PDE4D: variants seen among roughly 807,000 people sequenced by gnomAD.
PDE4D encodes 3',5'-cyclic-AMP phosphodiesterase 4D.
PDE4D carries 24 observed loss-of-function variants against 87.4 expected under a neutral mutation model. The observed-to-expected ratio is 0.27, with a 90% confidence interval of 0.20 to 0.39. The LOEUF (loss-of-function observed/expected upper bound fraction) is 0.39. PDE4D is among the 10% of genes least tolerant of loss of function. The pLI is 1.00. For missense variants in PDE4D, 714 were observed against 1,041.0 expected, an observed-to-expected ratio of 0.69 and a Z score of 4.32; for synonymous variants, 384 against 383.2, an observed-to-expected ratio of 1.00 and a Z score of -0.02.
chr5:59,651,062 T>TG (rs1268000458), intron 1 of PDE4D, among the ~76,000 whole-genome samples: 3 of 151,960 alleles, frequency 2.0e-5, no homozygotes, highest in African/African-American at 7.2e-5. Flanking sequence ...GAGACCATCC[T>TG]GGCCAACATA....
chr5:59,965,770 T>C (rs1759974052), intron 3 of PDE4D, among the ~76,000 whole-genome samples: 1 of 152,080 alleles, frequency 6.6e-6, no homozygotes, highest in Non-Finnish European at 1.5e-5. Flanking sequence ...CTTGGCAAAG[T>C]TTTTCTGTAA....
chr5:59,978,919 T>G (rs1043095003), intron 3 of PDE4D, among the ~76,000 whole-genome samples: 1 of 152,212 alleles, frequency 6.6e-6, no homozygotes, highest in Non-Finnish European at 1.5e-5. Context: ...TTAGCATTTT[T>G]TTTTTTAGCA....
At chr5:59,251,344 C>T (rs1027731185) in intron 1 of PDE4D, among the ~76,000 whole-genome samples, 1 of 152,178 alleles carries the variant, frequency 6.6e-6, no homozygotes, top group East Asian at 1.9e-4. Flanking sequence ...GGAAAACAAA[C>T]AACCCCATTA....
chr5:60,014,367 C>T, intron 2 of PDE4D, among the ~76,000 whole-genome samples: 1 of 152,256 alleles, frequency 6.6e-6, no homozygotes, highest in South Asian at 2.1e-4. Flanking sequence ...CAAAGTCCAA[C>T]TCAGGACTTG....
chr5:59,214,415 A>C (rs971973992), intron 2 of PDE4D, among the ~76,000 whole-genome samples: 2 of 152,106 alleles, frequency 1.3e-5, no homozygotes, highest in Non-Finnish European at 2.9e-5. Context: ...CATGCCTCAC[A>C]TTTAGTAAAT....
At chr5:59,462,267 T>G (rs1012685109) in intron 1 of PDE4D, among the ~76,000 whole-genome samples, 3 of 152,090 alleles carry the variant, frequency 2.0e-5, no homozygotes, top group Non-Finnish European at 2.9e-5. Context: ...CATCCACCAA[T>G]TGTGTCACTT....
At chr5:59,771,540 A>AAGAAAGAAAGAAAGAAAGAAAGAAAG in intron 1 of PDE4D, among the ~76,000 whole-genome samples, 1 of 149,044 alleles carries the variant, frequency 6.7e-6, no homozygotes, top group Non-Finnish European at 1.5e-5. Flanking sequence ...GAAAGAAAGA[A>AAGAAAGAAAGAAAGAAAGAAAGAAAG]AGAAAGAAAG....
chr5:59,251,096 C>G (rs534400027), intron 1 of PDE4D, among the ~76,000 whole-genome samples: 9 of 152,026 alleles, frequency 5.9e-5, no homozygotes, highest in Non-Finnish European at 1.3e-4. Context: ...CCTAGGCAAT[C>G]CCATCCTGAA....
At chr5:60,192,289 T>C (rs1459229880) in intron 1 of PDE4D, among the ~76,000 whole-genome samples, 1 of 152,166 alleles carries the variant, frequency 6.6e-6, no homozygotes, top group Non-Finnish European at 1.5e-5. Flanking sequence ...ATAAAATACT[T>C]GAAAATGGTG....
At chr5:59,027,262 C>A (rs1756411513) in intron 6 of PDE4D, among the ~76,000 whole-genome samples, 1 of 152,192 alleles carries the variant, frequency 6.6e-6, no homozygotes, top group South Asian at 2.1e-4. Context: ...GTGCCATTTT[C>A]ATCAGATCAT....
At chr5:60,042,102 A>G (rs1418940819) in intron 2 of PDE4D, among the ~76,000 whole-genome samples, 1 of 152,080 alleles carries the variant, frequency 6.6e-6, no homozygotes, top group African/African-American at 2.4e-5. Flanking sequence ...TGGACCTGGG[A>G]CACTTGAGCT....
At chr5:59,759,128 A>C (rs1761655655) in intron 1 of PDE4D, among the ~76,000 whole-genome samples, 1 of 152,198 alleles carries the variant, frequency 6.6e-6, no homozygotes, top group African/African-American at 2.4e-5. Flanking sequence ...CTACTTGAAG[A>C]ACAAATTTGG....
At chr5:59,621,365 G>A (rs897882049) in intron 1 of PDE4D, among the ~76,000 whole-genome samples, 4 of 152,188 alleles carry the variant, frequency 2.6e-5, no homozygotes, top group African/African-American at 9.6e-5. Context: ...CATCTGAGAT[G>A]CATTGAATAG....
chr5:59,392,524 T>TATATATATA (rs1562093627), intron 1 of PDE4D, among the ~76,000 whole-genome samples: 6 of 149,312 alleles, frequency 4.0e-5, no homozygotes, highest in Non-Finnish European at 5.9e-5. Context: ...TATATATATA[T>TATATATATA]TCCATTAATT....
chr5:60,435,814 C>T (rs37685), intron 1 of PDE4D, among the ~76,000 whole-genome samples: 62,551 of 151,790 alleles, frequency 0.41, 14,064 homozygotes, highest in African/African-American at 0.59. Context: ...TATTTGCAAC[C>T]TGAATAAATG....
At chr5:59,843,799 A>G (rs1045830313) in intron 1 of PDE4D, among the ~76,000 whole-genome samples, 3 of 152,092 alleles carry the variant, frequency 2.0e-5, no homozygotes, top group Admixed American at 6.6e-5. Context: ...CCATCCAGGA[A>G]GGAGCTAGAT....
At chr5:59,159,578 C>T (rs1278152411) in intron 5 of PDE4D, among the ~76,000 whole-genome samples, 1 of 152,102 alleles carries the variant, frequency 6.6e-6, no homozygotes, top group Non-Finnish European at 1.5e-5. Context: ...ACAGTGACGA[C>T]TTACTTATCC....
At chr5:59,885,398 G>A (rs1366547364) in intron 1 of PDE4D, among the ~76,000 whole-genome samples, 2 of 152,022 alleles carry the variant, frequency 1.3e-5, no homozygotes, top group East Asian at 3.8e-4. Flanking sequence ...TGTCTGAAGT[G>A]TTGCATTTTT....
At chr5:59,467,737 C>T (rs1031862885) in intron 1 of PDE4D, among the ~76,000 whole-genome samples, 1 of 152,028 alleles carries the variant, frequency 6.6e-6, no homozygotes, top group Non-Finnish European at 1.5e-5. Context: ...CATATGTACA[C>T]AGGAATTGTA....
Sources: gnomAD v4.1 joint callset for allele counts (sites outside exome capture counted in the v4.1 genomes callset) on GRCh38, gnomAD v4.1.1 for gene constraint, MANE v1.5 for transcripts, NCBI Gene and HGNC (gene_info 2026-07-23, HGNC 2026-07-21) for gene names.